Variants in CECR2 observed in about 807,000 individuals in gnomAD.
CECR2 encodes chromatin remodeling regulator CECR2.
CECR2 carries 30 observed loss-of-function variants against 154.5 expected under a neutral mutation model. The observed-to-expected ratio is 0.19, with a 90% confidence interval of 0.15 to 0.26. CECR2 has a LOEUF of 0.26. CECR2 is among the 10% of genes least tolerant of loss of function. The pLI, the probability that CECR2 is intolerant of heterozygous loss-of-function variation, is 1.00. For synonymous variants in CECR2, 725 were observed against 683.7 expected, an observed-to-expected ratio of 1.06 and a Z score of -0.94; for missense variants, 1,743 against 1,829.3, an observed-to-expected ratio of 0.95 and a Z score of 0.86.
At chr22:17,386,794 G>C (rs1444954663) in intron 1 of CECR2, among the ~76,000 whole-genome samples, 1 of 151,938 alleles carries the variant, frequency 6.6e-6, no homozygotes, top group Non-Finnish European at 1.5e-5. Context: ...GGGATTACAG[G>C]CGCATGCCAC....
chr22:17,504,304 G>A (rs544226693), intron 6 of CECR2, among the ~76,000 whole-genome samples: 20 of 151,996 alleles, frequency 1.3e-4, no homozygotes, highest in African/African-American at 4.8e-4. Context: ...GAGCCCAGGA[G>A]GTGTAGGTTA....
At chr22:17,539,942 T>G (rs971095209) in intron 13 of CECR2, among the ~76,000 whole-genome samples, 1 of 152,138 alleles carries the variant, frequency 6.6e-6, no homozygotes, top group East Asian at 1.9e-4. Context: ...CAAGGGATCC[T>G]CCTCCCTCAG....
At chr22:17,436,028 A>G (rs2054501776) in intron 1 of CECR2, among the ~76,000 whole-genome samples, 1 of 151,780 alleles carries the variant, frequency 6.6e-6, no homozygotes, top group African/African-American at 2.4e-5. Flanking sequence ...GCACCATCTC[A>G]GCTCACTGCA....
intron 2 of CECR2, among the ~76,000 whole-genome samples, chr22:17,480,180 T>G (rs1007054196): frequency 4.6e-5 from 7 of 152,130 alleles, no homozygotes; most frequent in Non-Finnish European, 1.5e-5. Context: ...AGGATTATTA[T>G]CTATCTCTTT....
At chr22:17,478,481 G>A (rs890799870) in intron 2 of CECR2, among the ~76,000 whole-genome samples, 4 of 150,346 alleles carry the variant, frequency 2.7e-5, no homozygotes, top group Admixed American at 1.3e-4. Flanking sequence ...TCAGCCTCTC[G>A]AGTAGCTGGG....
rs145008856 is a variant in CECR2 at position 17,457,576 on chromosome 22, A to G, written c.127-20012A>G. Among the ~76,000 whole-genome samples the G allele has an allele frequency of 3.1e-3, 466 of 152,350 alleles. 4 individuals carry two copies. Among genetic ancestry groups the G allele is most frequent in the African/African-American group, 0.011 (443 of 41,592 alleles). On this transcript the variant is annotated intron_variant, in intron 1 of 18. Transcript: ENST00000262608. ...CTCCATTTTGTCCACTGTATCCCCA[A>G]CAGCTAGACGGTTGCCTTGCACATG...
intron 13 of CECR2, 160 bp downstream of exon 13, chr22:17,539,279 C>A: frequency 1.3e-6 from 1 of 751,968 alleles, no homozygotes. Context: ...TATACAGTGT[C>A]TGCCAGGGAT....
At chr22:17,364,357 A>G (rs2062991075) in intron 1 of CECR2, among the ~76,000 whole-genome samples, 1 of 150,186 alleles carries the variant, frequency 6.7e-6, no homozygotes, top group Non-Finnish European at 1.5e-5. Context: ...AAAAAAAAAA[A>G]AAAAAGAATT....
chr22:17,536,369 A>T (rs2056437576), intron 9 of CECR2, among the ~76,000 whole-genome samples: 1 of 151,612 alleles, frequency 6.6e-6, no homozygotes, highest in African/African-American at 2.4e-5. Context: ...TTTGGCCCCT[A>T]CCTCCTTGTT....
intron 1 of CECR2, among the ~76,000 whole-genome samples, chr22:17,387,840 C>T (rs2146494771): frequency 6.6e-6 from 1 of 152,206 alleles, no homozygotes; most frequent in African/African-American, 2.4e-5. Context: ...ATCATGACAA[C>T]CAAGAACCAG....
At chr22:17,458,090 G>A (rs1234229865) in intron 1 of CECR2, among the ~76,000 whole-genome samples, 1 of 151,974 alleles carries the variant, frequency 6.6e-6, no homozygotes, top group Admixed American at 6.6e-5. Flanking sequence ...TTAATTGTGG[G>A]GGTGGCTGCA....
intron 1 of CECR2, among the ~76,000 whole-genome samples, chr22:17,449,483 CTTT>C (rs35473694): frequency 1.4e-5 from 1 of 71,462 alleles, no homozygotes; most frequent in African/African-American, 5.9e-5. Flanking sequence ...GTAACCAGTT[CTTT>C]TTTTTTTTTT....
rs1048436329 is a variant in CECR2 at position 17,421,487 on chromosome 22, C to T, written c.126+51578C>T. Among the ~76,000 whole-genome samples the T allele has an allele frequency of 6.0e-5, 9 of 150,930 alleles. No homozygotes were observed. In the East Asian group the frequency reaches 7.8e-4, roughly 13 times the overall value. ...AAAATTAGTCGGGTGTAGTGGCGGG[C>T]GCCTGTAGTCCCAGCTACTTGGGAG... On this transcript the variant is annotated intron_variant, in intron 1 of 18. Transcript: ENST00000262608.
intron 1 of CECR2, among the ~76,000 whole-genome samples, chr22:17,396,530 A>G (rs1015069937): frequency 2.0e-5 from 3 of 152,124 alleles, no homozygotes; most frequent in Non-Finnish European, 4.4e-5. Context: ...CTGGCGACAG[A>G]GCGAGACTCT....
intron 1 of CECR2, chr22:17,477,232 C>G (rs527845431): frequency 2.9e-6 from 2 of 680,298 alleles, no homozygotes; most frequent in East Asian, 5.4e-5. Flanking sequence ...ATTAAAATAG[C>G]AGTACAGCAC....
At chr22:17,413,826 GCCA>G (rs2054103455) in intron 1 of CECR2, among the ~76,000 whole-genome samples, 1 of 150,702 alleles carries the variant, frequency 6.6e-6, no homozygotes, top group East Asian at 1.9e-4. Context: ...ACAAGTGCCT[GCCA>G]CCACGGCCGG....
chr22:17,535,772 ATTTGGTGAT>A (rs962210199), intron 9 of CECR2, among the ~76,000 whole-genome samples: 2 of 152,158 alleles, frequency 1.3e-5, no homozygotes, highest in Non-Finnish European at 2.9e-5. Context: ...TTTTCTTAAA[ATTTGGTGAT>A]AGCAAACTTC....
intron 1 of CECR2, among the ~76,000 whole-genome samples, chr22:17,416,670 T>G (rs1020722809): frequency 6.6e-6 from 1 of 152,070 alleles, no homozygotes; most frequent in Non-Finnish European, 1.5e-5. Flanking sequence ...CCCAGCTAAT[T>G]TTTGTATTTT....
intron 1 of CECR2, among the ~76,000 whole-genome samples, chr22:17,393,202 C>T (rs1330858015): frequency 6.6e-6 from 1 of 152,156 alleles, no homozygotes; most frequent in Non-Finnish European, 1.5e-5. Context: ...TTTCCCCAGC[C>T]TAAGCAAATT....
Sources: gnomAD v4.1 joint callset for allele counts (sites outside exome capture counted in the v4.1 genomes callset) on GRCh38, gnomAD v4.1.1 for gene constraint, MANE v1.5 for transcripts, NCBI Gene and HGNC (gene_info 2026-07-23, HGNC 2026-07-21) for gene names.